PRKACB: variants seen among roughly 807,000 people sequenced by gnomAD.
The protein encoded by PRKACB is protein kinase cAMP-activated catalytic subunit beta.
PRKACB carries 16 observed loss-of-function variants against 51.4 expected under a neutral mutation model. That is an observed-to-expected ratio of 0.31 (90% CI 0.21 to 0.47). The LOEUF (loss-of-function observed/expected upper bound fraction) is 0.47, where lower values mean the gene tolerates loss of function less well. PRKACB is among the 20% of genes least tolerant of loss of function. PRKACB has a pLI of 1.00. For synonymous variants in PRKACB, 147 were observed against 154.4 expected (o/e 0.95, Z 0.35); for missense variants, 309 against 464.5 (o/e 0.67, Z 3.08).
intron 1 of PRKACB, among the ~76,000 whole-genome samples, chr1:84,155,887 T>C (rs1238655964): frequency 2.6e-5 from 4 of 152,182 alleles, no homozygotes; most frequent in Admixed American, 1.3e-4. Flanking sequence ...GGTCTTTTCT[T>C]AGAGTCTTCG....
At chr1:84,111,141 A>C (rs1053178911) in intron 1 of PRKACB, among the ~76,000 whole-genome samples, 6 of 152,084 alleles carry the variant, frequency 3.9e-5, no homozygotes, top group African/African-American at 1.4e-4. Flanking sequence ...ATATAAGATA[A>C]AATCTATTCT....
chr1:84,161,699 A>T (rs1225804105), intron 1 of PRKACB, among the ~76,000 whole-genome samples: 1 of 151,804 alleles, frequency 6.6e-6, no homozygotes, highest in Non-Finnish European at 1.5e-5. Context: ...GTACTGACTT[A>T]ATTCTAGTGG....
At chr1:84,155,054 A>C (rs1454760267) in intron 1 of PRKACB, among the ~76,000 whole-genome samples, 1 of 152,062 alleles carries the variant, frequency 6.6e-6, no homozygotes. Context: ...TAAATAAATA[A>C]ATAAATAGCA....
At chr1:84,144,732 C>T (rs897773634) in intron 1 of PRKACB, among the ~76,000 whole-genome samples, 184 bp downstream of exon 1, 2 of 152,088 alleles carry the variant, frequency 1.3e-5, no homozygotes, top group South Asian at 4.1e-4. Context: ...AATCATTCAG[C>T]TTTCATCATT....
chr1:84,235,111 C>T, intron 9 of PRKACB, 69 bp from the exon 10 acceptor site: 3 of 1,487,790 alleles, frequency 2.0e-6, no homozygotes, highest in East Asian at 2.3e-5. Context: ...ATTTATTTTT[C>T]TTGGTGTTTG....
intron 1 of PRKACB, among the ~76,000 whole-genome samples, chr1:84,130,213 A>C (rs867474946): frequency 0.01 from 1,530 of 150,992 alleles, 34 homozygotes; most frequent in African/African-American, 0.036. Context: ...AAAAAAAAAA[A>C]AGAGAAACTC....
intron 9 of PRKACB, among the ~76,000 whole-genome samples, chr1:84,221,297 T>G (rs1183374746): frequency 6.6e-6 from 1 of 152,074 alleles, no homozygotes; most frequent in African/African-American, 2.4e-5. Context: ...GTAAAATATT[T>G]TTCTTTTCTG....
chr1:84,164,049 T>C (rs1180990103), intron 1 of PRKACB, among the ~76,000 whole-genome samples: 1 of 152,076 alleles, frequency 6.6e-6, no homozygotes, highest in Non-Finnish European at 1.5e-5. Context: ...TATTATTTTC[T>C]TTTGAATACC....
At chr1:84,189,985 G>T (rs1287485293) in intron 5 of PRKACB, among the ~76,000 whole-genome samples, 1 of 151,380 alleles carries the variant, frequency 6.6e-6, no homozygotes, top group African/African-American at 2.4e-5. Flanking sequence ...TTTTCATAAG[G>T]TCCATCCTTT....
At chr1:84,109,616 G>A (rs1650055508) in intron 1 of PRKACB, among the ~76,000 whole-genome samples, 1 of 151,848 alleles carries the variant, frequency 6.6e-6, no homozygotes, top group Non-Finnish European at 1.5e-5. Flanking sequence ...ATACACGATT[G>A]AAAAATAACA....
At chr1:84,179,292 G>T in intron 2 of PRKACB, 54 bp downstream of exon 2, 3 of 1,467,276 alleles carry the variant, frequency 2.0e-6, no homozygotes, top group Non-Finnish European at 1.8e-6. Flanking sequence ...AATAAAATCA[G>T]GATTCTTGCC....
rs1441663016 is a variant in PRKACB, at chr1:84,133,026, A to C, written c.47-46151A>C. 2.6e-5 allele frequency among the ~76,000 whole-genome samples: 4 copies of C among 152,306 alleles called. No homozygotes were observed. The East Asian group carries it at 7.7e-4, about 29-fold the overall frequency. ...TTTAAAATATAGATCCAGGAACCTC[A>C]GAAAATATCAAGCAGAATGAATGAT... On this transcript the variant is annotated intron_variant, in intron 1 of 8. Coordinates refer to the PRKACB transcript ENST00000370688.
At chr1:84,145,043 A>G (rs564786108) in intron 1 of PRKACB, among the ~76,000 whole-genome samples, 11 of 152,290 alleles carry the variant, frequency 7.2e-5, no homozygotes, top group Admixed American at 4.6e-4. Flanking sequence ...AAAATAAAAC[A>G]TAATTATTCT....
At chr1:84,163,816 A>G (rs949808165) in intron 1 of PRKACB, among the ~76,000 whole-genome samples, 3 of 152,030 alleles carry the variant, frequency 2.0e-5, no homozygotes, top group African/African-American at 7.2e-5. Context: ...TCACATGGCA[A>G]CTGTTAAAAT....
chr1:84,133,962 A>G (rs138975039), intron 1 of PRKACB, among the ~76,000 whole-genome samples: 324 of 152,318 alleles, frequency 2.1e-3, no homozygotes, highest in African/African-American at 7.3e-3. Flanking sequence ...ATTAGGTTGC[A>G]TGAATGAATT....
intron 9 of PRKACB, among the ~76,000 whole-genome samples, chr1:84,230,144 C>T (rs372046714): frequency 2.6e-5 from 4 of 151,774 alleles, no homozygotes; most frequent in South Asian, 4.2e-4. Flanking sequence ...TTCAGCTTTC[C>T]ACATATGGCT....
At chr1:84,181,210 G>GT (rs1663341998) in intron 2 of PRKACB, among the ~76,000 whole-genome samples, 1 of 148,126 alleles carries the variant, frequency 6.8e-6, no homozygotes, top group African/African-American at 2.6e-5. Flanking sequence ...ACAGTGAACT[G>GT]TAATACCTAT....
At chr1:84,193,091 A>T (rs1667254611) in intron 5 of PRKACB, among the ~76,000 whole-genome samples, 1 of 152,146 alleles carries the variant, frequency 6.6e-6, no homozygotes, top group South Asian at 2.1e-4. Context: ...CAGGGGGAAA[A>T]TAACCCTCCC....
chr1:84,165,496 A>T (rs1280226309), intron 1 of PRKACB, among the ~76,000 whole-genome samples: 2 of 151,820 alleles, frequency 1.3e-5, no homozygotes, highest in African/African-American at 4.8e-5. Flanking sequence ...GCTTTTACCT[A>T]CAATTTATTG....
Sources: gnomAD v4.1 joint callset for allele counts (sites outside exome capture counted in the v4.1 genomes callset) on GRCh38, gnomAD v4.1.1 for gene constraint, MANE v1.5 for transcripts, NCBI Gene and HGNC (gene_info 2026-07-23, HGNC 2026-07-21) for gene names.